The following MDH2 variants were observed in gnomAD, a reference collection of about 807,000 sequenced individuals.
MDH2 encodes the protein malate dehydrogenase 2, also known as malate dehydrogenase, mitochondrial.
In MDH2, 25 loss-of-function variants were observed where a neutral mutation model predicts 33.6. The observed-to-expected ratio is 0.74, with a 90% CI of 0.54 to 1.04. MDH2 has a LOEUF of 1.04. Among genes scored for constraint, MDH2 ranks in the 50% least tolerant of loss-of-function variants. The pLI is 0.00. For missense variants in MDH2, 432 were observed against 445.0 expected (o/e 0.97, Z 0.26); for synonymous variants, 193 against 188.7 (o/e 1.02, Z -0.19).
Position 76,064,418 on chromosome 7 carries a change from T to A in MDH2, c.713T>A (p.Val238Asp). The change falls in exon 7 of 9, where the codon GTC (valine) becomes GAC (aspartate). Residue 238 changes from valine (V) to aspartate (D), a missense_variant. By Grantham distance (152) the Val-to-Asp change is radical (BLOSUM62 -3). Transcript: ENST00000315758. ...GRIQEAGTEV[V>D]KAKAGAGSAT... ...ATCCAGGAGGCCGGCACGGAGGTGG[T>A]CAAGGCTAAAGCCGGAGCAGGTAGA... 2 of 1,613,096 alleles carry A rather than the reference T, an allele frequency of 1.2e-6. No homozygotes were observed. The highest frequency in any genetic ancestry group is 1.1e-5 in the South Asian group (1 of 90,850).
chr7:76,066,444 A>G lies in MDH2; in HGVS notation c.*34A>G, dbSNP rs1798100103. 1.3e-6 allele frequency: 2 copies of G among 1,590,304 alleles called. No individual in the cohort carries two copies. Among genetic ancestry groups the G allele is most frequent in the Non-Finnish European group, 1.7e-6 (2 of 1,169,128 alleles). On this transcript the variant is annotated 3_prime_UTR_variant, in exon 9 of 9. Coordinates refer to ENST00000315758, the MANE Select transcript of MDH2 (RefSeq NM_005918.4). ...GACGGGTGGCCAGTTTCCTTAATTT[A>G]TGAAGGCATCATGTCACTGCAAAGC... is the stretch of plus-strand genomic sequence containing the variant.
At chr7:76,057,551 C>A in intron 3 of MDH2, 58 bp downstream of exon 3, 1 of 1,529,462 alleles carries the variant, frequency 6.5e-7, no homozygotes, top group Non-Finnish European at 9.0e-7. Flanking sequence ...GGGATTAAAT[C>A]CATTTCCTAT....
chr7:76,052,086 T>A (rs1585399462), intron 1 of MDH2, among the ~76,000 whole-genome samples: 1 of 152,156 alleles, frequency 6.6e-6, no homozygotes, highest in East Asian at 1.9e-4. Context: ...CCCTCCCCCA[T>A]GTTGTGTTCA....
intron 6 of MDH2, 51 bp from the exon 7 acceptor site, chr7:76,064,288 C>CT: frequency 6.9e-7 from 1 of 1,447,744 alleles, no homozygotes. Flanking sequence ...GGCAGTGGGT[C>CT]TGGGGTCATG....
chr7:76,052,677 T>G (rs1797661068), intron 1 of MDH2, among the ~76,000 whole-genome samples: 1 of 151,506 alleles, frequency 6.6e-6, no homozygotes, highest in African/African-American at 2.4e-5. Flanking sequence ...TCTGAGTAGC[T>G]AGGATTACCG....
chr7:76,062,000 C>T (rs1554587097), intron 5 of MDH2, among the ~76,000 whole-genome samples: 1 of 152,246 alleles, frequency 6.6e-6, no homozygotes, highest in Non-Finnish European at 1.5e-5. Flanking sequence ...GCAGTCCTAT[C>T]TCAGCCTTGA....
In MDH2 at chr7:76,048,185, G is replaced by GC; in HGVS notation, c.27dup (p.Ser10GlnfsTer17). On this transcript the variant is annotated frameshift_variant, in exon 1 of 9. Coordinates refer to ENST00000315758, the MANE Select transcript of MDH2 (RefSeq NM_005918.4). LOFTEE classifies it high-confidence loss of function. ...CATGCTCTCCGCCCTCGCCCGGCCTGCCAGCGCTGCTCTCCGCCGCAGCTT... is the reference window on the plus strand; with the variant it reads ...CATGCTCTCCGCCCTCGCCCGGCCTGCCCAGCGCTGCTCTCCGCCGCAGCTT... The GC allele has an allele frequency of 1.3e-6, 2 of 1,536,654 alleles. No individual in the cohort carries two copies. The highest frequency in any genetic ancestry group is 1.7e-6 in the Non-Finnish European group (2 of 1,146,740).
intron 4 of MDH2, 28 bp from the exon 5 acceptor site, chr7:76,060,345 A>G (rs781793342): frequency 6.2e-7 from 1 of 1,612,738 alleles, no homozygotes. Context: ...ACCCAGGGCA[A>G]GCCATGCCTG....
intron 1 of MDH2, among the ~76,000 whole-genome samples, chr7:76,051,710 A>G (rs544375142): frequency 6.6e-6 from 1 of 152,362 alleles, no homozygotes; most frequent in South Asian, 2.1e-4. Context: ...ATACATTACA[A>G]TATAAACTCA....
intron 5 of MDH2, 92 bp from the exon 6 acceptor site, chr7:76,063,423 G>A (rs1798006213): frequency 8.0e-7 from 1 of 1,251,278 alleles, no homozygotes; most frequent in Non-Finnish European, 1.2e-6. Context: ...AGTTCTGGGG[G>A]GCTTTTCCAG....
intron 1 of MDH2, among the ~76,000 whole-genome samples, chr7:76,054,209 T>C (rs1187515368): frequency 6.6e-6 from 1 of 151,634 alleles, no homozygotes; most frequent in Non-Finnish European, 1.5e-5. Context: ...ACCAGGAGGG[T>C]TGGAGTCTTT....
At chr7:76,066,025 A>G (rs1798086793) in intron 8 of MDH2, among the ~76,000 whole-genome samples, 1 of 152,164 alleles carries the variant, frequency 6.6e-6, no homozygotes. Context: ...TTGGAAGGTC[A>G]GTCATTGTCC....
intron 2 of MDH2, among the ~76,000 whole-genome samples, chr7:76,056,068 T>C (rs1325055184): frequency 6.6e-6 from 1 of 152,118 alleles, no homozygotes; most frequent in Non-Finnish European, 1.5e-5. Flanking sequence ...CCTCAAATGA[T>C]CCACCTACCT....
At chr7:76,062,299 G>A (rs1797977565) in intron 5 of MDH2, among the ~76,000 whole-genome samples, 1 of 152,188 alleles carries the variant, frequency 6.6e-6, no homozygotes, top group African/African-American at 2.4e-5. Context: ...ATGCACCATT[G>A]GAACATACAT....
At chr7:76,051,447 G>T (rs191814401) in intron 1 of MDH2, among the ~76,000 whole-genome samples, 3 of 151,340 alleles carry the variant, frequency 2.0e-5, no homozygotes, top group Admixed American at 6.6e-5. Context: ...TCAGCCTTCC[G>T]AGTAGCTGGG....
intron 5 of MDH2, among the ~76,000 whole-genome samples, chr7:76,062,329 G>A (rs1797978769): frequency 6.6e-6 from 1 of 152,218 alleles, no homozygotes; most frequent in Non-Finnish European, 1.5e-5. Flanking sequence ...TCTTGTATTT[G>A]AGGGCAAGCC....
At position 76,049,325 on chromosome 7, in the gene MDH2, T is replaced by C. The variant is rs142183164; in HGVS notation, c.66+1099T>C. On this transcript the variant is annotated intron_variant, in intron 1 of 8. Coordinates refer to ENST00000315758, the MANE Select transcript of MDH2 (RefSeq NM_005918.4). ...TTGAATGTACCAAATGCTTTTGCGC[T>C]GCGGTGAAGTGGGGGCCCAGCTGTA... Among the ~76,000 whole-genome samples, 9 of 152,260 alleles carry C rather than the reference T, an allele frequency of 5.9e-5. No homozygotes were observed. In the East Asian group the frequency reaches 1.5e-3, roughly 26 times the overall value.
chr7:76,055,617 G>T (rs956203215), intron 2 of MDH2, among the ~76,000 whole-genome samples: 1 of 151,248 alleles, frequency 6.6e-6, no homozygotes, highest in African/African-American at 2.4e-5. Flanking sequence ...CACACCTGTG[G>T]TCCCAGCTAC....
chr7:76,054,211 G>C (rs1012920960), intron 1 of MDH2, among the ~76,000 whole-genome samples: 19 of 151,682 alleles, frequency 1.3e-4, no homozygotes, highest in African/African-American at 4.6e-4. Context: ...CAGGAGGGTT[G>C]GAGTCTTTCG....
Sources: allele counts gnomAD v4.1 joint callset (sites outside exome capture counted in the v4.1 genomes callset), GRCh38; gene constraint gnomAD v4.1.1; transcripts MANE v1.5; gene names NCBI Gene and HGNC (gene_info 2026-07-23, HGNC 2026-07-21).